The following PTPRM variants were observed in gnomAD, a reference collection of about 807,000 sequenced individuals.
PTPRM encodes receptor-type tyrosine-protein phosphatase mu.
Under a neutral mutation model 186.7 loss-of-function variants are expected in PTPRM, and 47 were observed. The observed-to-expected ratio is 0.25, with a 90% CI of 0.20 to 0.32. The LOEUF is 0.32. Ranked by LOEUF, PTPRM falls within the 10% of genes least tolerant of loss-of-function variation. The pLI is 1.00. For missense variants in PTPRM, 1,494 were observed against 1,865.0 expected (o/e 0.80, Z 3.66); for synonymous variants, 668 against 674.9 (o/e 0.99, Z 0.16).
intron 14 of PTPRM, among the ~76,000 whole-genome samples, chr18:8,202,873 G>C (rs1313421629): frequency 6.6e-6 from 1 of 152,066 alleles, no homozygotes; most frequent in Non-Finnish European, 1.5e-5. Flanking sequence ...TCCCAGCCTA[G>C]CCTGTGGACT....
intron 14 of PTPRM, among the ~76,000 whole-genome samples, chr18:8,162,618 G>A (rs575312375): frequency 1.5e-4 from 23 of 152,134 alleles, no homozygotes; most frequent in Non-Finnish European, 3.1e-4. Flanking sequence ...GACCAAGGCC[G>A]GAGACCCAGA....
intron 14 of PTPRM, among the ~76,000 whole-genome samples, chr18:8,186,735 G>C (rs1303729909): frequency 3.9e-5 from 6 of 152,176 alleles, no homozygotes; most frequent in African/African-American, 7.2e-5. Context: ...AGGTGACATG[G>C]GGGAAACTGA....
chr18:8,111,530 G>A (rs187344069), intron 11 of PTPRM, among the ~76,000 whole-genome samples: 5 of 151,944 alleles, frequency 3.3e-5, no homozygotes, highest in East Asian at 1.9e-4. Flanking sequence ...GGAGAATGGC[G>A]TGAACCCAGG....
At chr18:7,591,929 A>C (rs2037135579) in intron 1 of PTPRM, among the ~76,000 whole-genome samples, 2 of 151,994 alleles carry the variant, frequency 1.3e-5, no homozygotes, top group African/African-American at 4.8e-5. Flanking sequence ...ATTAATACCA[A>C]CCTCAGGGGG....
chr18:8,023,870 A>ACACACACACACGCG (rs71354588), intron 7 of PTPRM, among the ~76,000 whole-genome samples: 2 of 149,264 alleles, frequency 1.3e-5, no homozygotes, highest in Non-Finnish European at 3.0e-5. Context: ...ACACACACAC[A>ACACACACACACGCG]CGCACACCCC....
At chr18:7,629,860 A>C (rs1465496687) in intron 1 of PTPRM, among the ~76,000 whole-genome samples, 1 of 152,136 alleles carries the variant, frequency 6.6e-6, no homozygotes, top group Non-Finnish European at 1.5e-5. Context: ...AAAAATGTTC[A>C]TGGAGGAGGT....
chr18:8,003,045 C>G (rs2147785897), intron 7 of PTPRM, among the ~76,000 whole-genome samples: 1 of 152,224 alleles, frequency 6.6e-6, no homozygotes, highest in Middle Eastern at 3.4e-3. Context: ...TGCTGTTACC[C>G]AGAGTGTTTC....
chr18:7,736,172 GGGC>G (rs1167175125), intron 1 of PTPRM, among the ~76,000 whole-genome samples: 2 of 152,056 alleles, frequency 1.3e-5, no homozygotes, highest in African/African-American at 4.8e-5. Context: ...CATGACTTCA[GGGC>G]TGAGAGACAA....
At chr18:7,628,734 A>G (rs1390039412) in intron 1 of PTPRM, among the ~76,000 whole-genome samples, 2 of 152,202 alleles carry the variant, frequency 1.3e-5, no homozygotes, top group African/African-American at 2.4e-5. Context: ...GCACTGTCCT[A>G]AATGCTGCTG....
At chr18:7,924,145 A>T (rs374570911) in intron 4 of PTPRM, among the ~76,000 whole-genome samples, 1 of 152,208 alleles carries the variant, frequency 6.6e-6, no homozygotes, top group East Asian at 1.9e-4. Context: ...TAGTAGTGTC[A>T]CAGCCACGGT....
intron 1 of PTPRM, among the ~76,000 whole-genome samples, chr18:7,739,886 TTAGAG>T (rs1332224740): frequency 6.6e-6 from 1 of 152,198 alleles, no homozygotes; most frequent in African/African-American, 2.4e-5. Context: ...TGTGTGTCTC[TTAGAG>T]TATTTACCAC....
At chr18:7,658,687 T>C (rs1037547783) in intron 1 of PTPRM, among the ~76,000 whole-genome samples, 1 of 152,194 alleles carries the variant, frequency 6.6e-6, no homozygotes, top group South Asian at 2.1e-4. Flanking sequence ...CTGGGTTTAA[T>C]GTTTGACGTA....
chr18:8,207,246 G>C (rs4597385), intron 14 of PTPRM, among the ~76,000 whole-genome samples: 88,102 of 151,810 alleles, frequency 0.58, 25,840 homozygotes, highest in East Asian at 0.83. Flanking sequence ...GTTTTCACCG[G>C]ATGATATTTC....
intron 19 of PTPRM, among the ~76,000 whole-genome samples, chr18:8,273,239 G>C (rs2094793697): frequency 6.6e-6 from 1 of 152,108 alleles, no homozygotes; most frequent in Admixed American, 6.5e-5. Flanking sequence ...TGTAAGAGAT[G>C]TTTCTTCCAT....
chr18:7,916,835 C>G (rs55883791), intron 4 of PTPRM, among the ~76,000 whole-genome samples: 15,682 of 151,938 alleles, frequency 0.1, 927 homozygotes, highest in African/African-American at 0.14. Flanking sequence ...TGCAAATATA[C>G]CAGAAATTAT....
chr18:8,180,999 A>T (rs1220000364), intron 14 of PTPRM, among the ~76,000 whole-genome samples: 1 of 151,818 alleles, frequency 6.6e-6, no homozygotes, highest in East Asian at 1.9e-4. Flanking sequence ...CTACTGTGAC[A>T]CTCCTGAGTT....
At chr18:7,796,325 T>G (rs1275649204) in intron 2 of PTPRM, among the ~76,000 whole-genome samples, 2 of 152,268 alleles carry the variant, frequency 1.3e-5, no homozygotes, top group African/African-American at 2.4e-5. Context: ...ATCCCCTAAC[T>G]TTGAATTTTG....
chr18:8,383,296 CAAAAAAAAAAAAAAA>C (rs59442781), intron 29 of PTPRM, among the ~76,000 whole-genome samples: 111 of 30,438 alleles, frequency 3.6e-3, no homozygotes, highest in African/African-American at 0.012. Flanking sequence ...GCTTCTGCCT[CAAAAAAAAAAAAAAA>C]AAAAAAAAAA....
chr18:7,579,915 T>C (rs1464133636), intron 1 of PTPRM, among the ~76,000 whole-genome samples: 2 of 152,172 alleles, frequency 1.3e-5, no homozygotes, highest in Admixed American at 6.5e-5. Context: ...TTTTAAAAAG[T>C]CTCACAAACC....
Sources: gnomAD v4.1 joint callset for allele counts (sites outside exome capture counted in the v4.1 genomes callset) on GRCh38, gnomAD v4.1.1 for gene constraint, MANE v1.5 for transcripts, NCBI Gene and HGNC (gene_info 2026-07-23, HGNC 2026-07-21) for gene names.